MSR1: variants seen among roughly 807,000 people sequenced by gnomAD.
MSR1 encodes macrophage scavenger receptor types I and II.
MSR1 carries 53 observed loss-of-function variants against 47.2 expected under a neutral mutation model. The observed-to-expected ratio is 1.12, with a 90% CI of 0.90 to 1.41. MSR1 has a LOEUF of 1.41. Ranked by LOEUF, MSR1 falls within the 40% of genes most tolerant of loss-of-function variation. MSR1 has a pLI of 0.00. For missense variants in MSR1, 786 were observed against 546.9 expected (o/e 1.44, Z -4.36); for synonymous variants, 239 against 185.6 (o/e 1.29, Z -2.34).
At chr8:16,129,537 G>C (rs773145650) in intron 8 of MSR1, among the ~76,000 whole-genome samples, 3 of 152,032 alleles carry the variant, frequency 2.0e-5, no homozygotes, top group Non-Finnish European at 4.4e-5. Context: ...TTTGAGTTTA[G>C]CAGTTAGAGA....
chr8:16,166,164 C>CTTTTTTTTTTT (rs397892292), intron 4 of MSR1, among the ~76,000 whole-genome samples: 2 of 71,302 alleles, frequency 2.8e-5, no homozygotes, highest in African/African-American at 1.1e-4. Context: ...CTTTTTCTTT[C>CTTTTTTTTTTT]TTTTTTTTTT....
chr8:16,141,206 G>C, intron 8 of MSR1: 2 of 733,084 alleles, frequency 2.7e-6, no homozygotes, highest in Non-Finnish European at 2.2e-6. Flanking sequence ...GAATAAATTG[G>C]TACAAGCTTT....
chr8:16,175,929 A>C (rs1192929832), intron 2 of MSR1, among the ~76,000 whole-genome samples: 1 of 152,190 alleles, frequency 6.6e-6, no homozygotes, highest in Non-Finnish European at 1.5e-5. Context: ...TAATAACAGT[A>C]ACCTTTTATT....
At position 16,109,802 on chromosome 8, in the gene MSR1, G is replaced by C. The variant is rs1799715398; in HGVS notation, c.*283C>G. 1 of 409,962 alleles carries C rather than the reference G, an allele frequency of 2.4e-6. No individual in the cohort carries two copies. Among genetic ancestry groups the C allele is most frequent in the South Asian group, 2.8e-5 (1 of 36,086 alleles). The allele number at this position is 409,962 out of a possible 1,614,324, so 25.4% of individuals were successfully genotyped here. On this transcript the variant is annotated 3_prime_UTR_variant, in exon 10 of 10. Coordinates refer to ENST00000262101, the MANE Select transcript of MSR1 (RefSeq NM_138715.3). ...CTGGTATGCATTTCTATTACCCTTGGCCTTTGTAATCTGGAAGCTATAAAC... is the reference window on the plus strand; with the variant it reads ...CTGGTATGCATTTCTATTACCCTTGCCCTTTGTAATCTGGAAGCTATAAAC...
intron 8 of MSR1, among the ~76,000 whole-genome samples, chr8:16,133,550 G>T (rs949119184): frequency 1.3e-5 from 2 of 152,098 alleles, no homozygotes; most frequent in African/African-American, 4.8e-5. Flanking sequence ...CTCATAGTAA[G>T]CCTAGGTTAC....
intron 7 of MSR1, among the ~76,000 whole-genome samples, chr8:16,144,425 T>A (rs1195240423): frequency 6.6e-6 from 1 of 152,066 alleles, no homozygotes; most frequent in Non-Finnish European, 1.5e-5. Context: ...CTAGAACTGA[T>A]CCTAGTGCTC....
Position 16,110,164 on chromosome 8 carries a change from A to G in MSR1, c.1277T>C (p.Ile426Thr), listed in dbSNP as rs1341392320. Residue 426 changes from isoleucine to threonine, a missense_variant, in exon 10 of 10, where the codon ATT (isoleucine) becomes ACT (threonine). Ile to Thr is a moderately conservative substitution (Grantham distance 89). Coordinates refer to ENST00000262101, the MANE Select transcript of MSR1 (RefSeq NM_138715.3). ...EVFCFGRESSIEECKIRQWGT... is the reference protein window; with the variant it reads ...EVFCFGRESSTEECKIRQWGT... ...CCATTGCCGAATTTTACATTCTTCA[A>G]TAGATGATTCTCTCCCAAAACAAAA... 41 of 1,613,702 alleles carry G rather than the reference A, an allele frequency of 2.5e-5. No individual in the cohort carries two copies. The highest frequency in any genetic ancestry group is 3.3e-5 in the Non-Finnish European group (39 of 1,179,702).
intron 3 of MSR1, among the ~76,000 whole-genome samples, chr8:16,172,517 T>C (rs1226600623): frequency 1.3e-5 from 2 of 152,172 alleles, no homozygotes; most frequent in African/African-American, 4.8e-5. Context: ...GTTTCACATA[T>C]GAAAGGAGAC....
At chr8:16,139,999 G>A (rs1800509974) in intron 8 of MSR1, 4 of 587,854 alleles carry the variant, frequency 6.8e-6, no homozygotes, top group African/African-American at 2.1e-5. Context: ...ATCTCTTAGG[G>A]ACAATTAGCT....
chr8:16,174,314 C>T (rs1193054540), intron 3 of MSR1, among the ~76,000 whole-genome samples: 1 of 152,116 alleles, frequency 6.6e-6, no homozygotes, highest in East Asian at 1.9e-4. Flanking sequence ...CCCAGCCTAT[C>T]TCTTATTAGA....
intron 4 of MSR1, among the ~76,000 whole-genome samples, chr8:16,167,208 G>C (rs188476003): frequency 3.3e-5 from 5 of 152,044 alleles, no homozygotes; most frequent in Non-Finnish European, 7.3e-5. Context: ...CTTCCAGATA[G>C]TTTCCAATTT....
chr8:16,166,768 G>A (rs561239906), intron 4 of MSR1, among the ~76,000 whole-genome samples: 61 of 152,132 alleles, frequency 4.0e-4, no homozygotes, highest in Non-Finnish European at 7.4e-5. Context: ...TCCTTGATAA[G>A]TGTTATGCTG....
intron 8 of MSR1, 86 bp from the exon 9 acceptor site, chr8:16,120,692 A>C: frequency 7.0e-7 from 1 of 1,421,578 alleles, no homozygotes; most frequent in African/African-American, 1.5e-5. Flanking sequence ...CTTTTTTTTT[A>C]AACACAAAAA....
At position 16,131,671 on chromosome 8, in the gene MSR1, A is replaced by G. The variant is rs1196610203; in HGVS notation, c.1034-11065T>C. On this transcript the variant is annotated intron_variant, in intron 8 of 9. Coordinates refer to ENST00000262101, the MANE Select transcript of MSR1 (RefSeq NM_138715.3). ...GTTGATTTTTGTATATGGTGTAAGG[A>G]AAGAGTTCAGTTTCAGTCTTCTGCA... Among the ~76,000 whole-genome samples, 4 of 151,924 alleles carry G rather than the reference A, an allele frequency of 2.6e-5. No individual in the cohort carries two copies. In the East Asian group the frequency reaches 7.7e-4, roughly 29 times the overall value.
chr8:16,131,551 T>C (rs1800260291), intron 8 of MSR1, among the ~76,000 whole-genome samples: 1 of 151,292 alleles, frequency 6.6e-6, no homozygotes, highest in African/African-American at 2.4e-5. Flanking sequence ...CGTGAAATCT[T>C]TACCAGGTCC....
intron 8 of MSR1, 38 bp from the exon 9 acceptor site, chr8:16,120,644 C>T (rs765672016): frequency 2.5e-5 from 36 of 1,460,292 alleles, no homozygotes; most frequent in Non-Finnish European, 3.1e-5. Flanking sequence ...AAAAAAAAGG[C>T]AAGCAAGGAC....
chr8:16,181,946 A>T (rs1221203595), intron 1 of MSR1, among the ~76,000 whole-genome samples: 1 of 152,206 alleles, frequency 6.6e-6, no homozygotes, highest in East Asian at 1.9e-4. Flanking sequence ...ACATGTGTCA[A>T]TTAAGGACAA....
rs181464758 is a variant in MSR1 at position 16,172,451 on chromosome 8, A to G, written c.217+2736T>C. 1.5e-4 allele frequency among the ~76,000 whole-genome samples: 23 copies of G among 152,232 alleles called. No individual in the cohort carries two copies. The East Asian group carries it at 2.7e-3, about 18-fold the overall frequency. On this transcript the variant is annotated intron_variant, in intron 3 of 9. Coordinates refer to ENST00000262101, the MANE Select transcript of MSR1 (RefSeq NM_138715.3). ...ATCTAGGTAAAGAATGCCAGGATTT[A>G]TATTTTCAAAAGTTCACTTATTTTT...
chr8:16,140,323 T>A, intron 8 of MSR1: 1 of 985,292 alleles, frequency 1.0e-6, no homozygotes, highest in Non-Finnish European at 1.2e-6. Context: ...CAGTCTTTAC[T>A]TTGATCAAAA....
Sources: allele counts gnomAD v4.1 joint callset (sites outside exome capture counted in the v4.1 genomes callset), GRCh38; gene constraint gnomAD v4.1.1; transcripts MANE v1.5; gene names NCBI Gene and HGNC (gene_info 2026-07-23, HGNC 2026-07-21).